PTPN11: variants seen among roughly 807,000 people sequenced by gnomAD.
PTPN11 encodes tyrosine-protein phosphatase non-receptor type 11.
Under a neutral mutation model 78.8 loss-of-function variants are expected in PTPN11, and 6 were observed. The ratio of observed to expected loss-of-function variants is 0.08; its 90% confidence interval spans 0.04 to 0.15. The LOEUF is 0.15. Ranked by LOEUF, PTPN11 falls within the 10% of genes least tolerant of loss-of-function variation. The pLI, the probability that PTPN11 is intolerant of heterozygous loss-of-function variation, is 1.00. For synonymous variants in PTPN11, 221 were observed against 263.5 expected (o/e 0.84, Z 1.56); for missense variants, 386 against 744.8 (o/e 0.52, Z 5.61).
At chr12:112,462,737 C>T (rs2038267023) in intron 6 of PTPN11, among the ~76,000 whole-genome samples, 1 of 152,070 alleles carries the variant, frequency 6.6e-6, no homozygotes, top group Non-Finnish European at 1.5e-5. Flanking sequence ...TCCTGGATAT[C>T]CATAATAGTG....
chr12:112,503,543 CT>C, intron 14 of PTPN11, among the ~76,000 whole-genome samples: 1 of 152,144 alleles, frequency 6.6e-6, no homozygotes, highest in Non-Finnish European at 1.5e-5. Flanking sequence ...CAAGTTGCCA[CT>C]TCTTTCTATC....
chr12:112,490,226 C>A (rs2038729684), intron 13 of PTPN11, among the ~76,000 whole-genome samples: 1 of 151,952 alleles, frequency 6.6e-6, no homozygotes, highest in African/African-American at 2.4e-5. Flanking sequence ...CAAAAAGTTG[C>A]CCAAAGAGAA....
At chr12:112,433,312 TAG>T (rs1181004074) in intron 1 of PTPN11, among the ~76,000 whole-genome samples, 1 of 152,200 alleles carries the variant, frequency 6.6e-6, no homozygotes, top group East Asian at 1.9e-4. Context: ...CTAGGAGCAA[TAG>T]GTTATACCAT....
intron 5 of PTPN11, chr12:112,454,886 C>G (rs900088407): frequency 1.7e-6 from 1 of 592,418 alleles, no homozygotes; most frequent in Non-Finnish European, 3.0e-6. Flanking sequence ...GTGTTGCAAT[C>G]TTGGCTCACT....
intron 1 of PTPN11, among the ~76,000 whole-genome samples, chr12:112,420,776 G>A (rs1416032794): frequency 2.0e-5 from 3 of 152,238 alleles, no homozygotes; most frequent in Non-Finnish European, 2.9e-5. Context: ...ACTTGGACAG[G>A]TCGGTTGGCA....
intron 7 of PTPN11, among the ~76,000 whole-genome samples, chr12:112,477,396 T>TTCCTATATACCCAATGATAACA (rs1411891552): frequency 6.6e-6 from 1 of 152,198 alleles, no homozygotes; most frequent in Non-Finnish European, 1.5e-5. Context: ...TTCTCTGAGC[T>TTCCTATATACCCAATGATAACA]TCCTATATAC....
At chr12:112,446,987 T>A (rs2038002821) in intron 2 of PTPN11, among the ~76,000 whole-genome samples, 1 of 152,128 alleles carries the variant, frequency 6.6e-6, no homozygotes, top group Non-Finnish European at 1.5e-5. Context: ...CGCCTCAGCC[T>A]CCCGGGTAGC....
chr12:112,495,949 C>T (rs1049595569), intron 13 of PTPN11, among the ~76,000 whole-genome samples: 5 of 152,102 alleles, frequency 3.3e-5, no homozygotes, highest in African/African-American at 1.2e-4. Context: ...TTTCCTCTTT[C>T]CCTGTTCAAT....
chr12:112,438,919 C>G (rs1266762892), intron 1 of PTPN11, among the ~76,000 whole-genome samples: 1 of 151,102 alleles, frequency 6.6e-6, no homozygotes, highest in African/African-American at 2.4e-5. Flanking sequence ...AACCATTGTG[C>G]CTGGCTTGTT....
chr12:112,504,175 C>T lies in PTPN11; in HGVS notation c.1713-520C>T, dbSNP rs2038907989. 6.6e-6 allele frequency among the ~76,000 whole-genome samples: 1 copy of T among 152,158 alleles called. No individual in the cohort carries two copies. Among genetic ancestry groups the T allele is most frequent in the South Asian group, 2.1e-4 (1 of 4,830 alleles). ...CTTTCTGCCAGACCCCAGGGAGCACCAGGACTTGAGGCTTTTATTGCACTT... is the reference window on the plus strand; with the variant it reads ...CTTTCTGCCAGACCCCAGGGAGCACTAGGACTTGAGGCTTTTATTGCACTT... On this transcript the variant is annotated intron_variant, in intron 14 of 15. Coordinates refer to ENST00000351677, the MANE Select transcript of PTPN11 (RefSeq NM_002834.5). The surrounding 1 kb of genome is among the most constrained non-coding windows in gnomAD (Gnocchi z 4.7).
chr12:112,462,265 G>A (rs2038259492), intron 6 of PTPN11, among the ~76,000 whole-genome samples: 1 of 152,092 alleles, frequency 6.6e-6, no homozygotes, highest in Non-Finnish European at 1.5e-5. Context: ...AGGCTGTGGC[G>A]AGAGTAGGCT....
Position 112,453,288 on chromosome 12 carries a change from C to T in PTPN11, c.426C>T (p.Ser142=), listed in dbSNP as rs199498784. The T allele has an allele frequency of 1.1e-5, 17 of 1,613,800 alleles. No individual in the cohort carries two copies. The African/African-American group carries it at 2.1e-4, about 20-fold the overall frequency. The part of the protein sequence containing the change: ...HGSFLVRESQ[S]HPGDFVLSVR... ...GTTTTCTTGTACGAGAGAGCCAGAG[C>T]CACCCTGGAGATTTTGTTCTTTCTG... The change falls in exon 4 of 16, where the codon AGC becomes AGT. Residue 142 remains serine, a synonymous_variant. Coordinates refer to ENST00000351677, the MANE Select transcript of PTPN11 (RefSeq NM_002834.5).
intron 1 of PTPN11, among the ~76,000 whole-genome samples, chr12:112,439,167 C>A (rs566046406): frequency 3.5e-4 from 54 of 152,258 alleles, no homozygotes; most frequent in Non-Finnish European, 5.9e-4. Flanking sequence ...GGCTTCAGAC[C>A]AAGACAATCT....
intron 6 of PTPN11, among the ~76,000 whole-genome samples, chr12:112,462,281 C>G (rs1047238217): frequency 2.6e-5 from 4 of 151,894 alleles, no homozygotes; most frequent in African/African-American, 9.7e-5. Flanking sequence ...AGGCTTAAGC[C>G]CAGGAGTTTG....
chr12:112,492,684 AT>A (rs1409240674), intron 13 of PTPN11, among the ~76,000 whole-genome samples: 1 of 151,668 alleles, frequency 6.6e-6, no homozygotes, highest in Non-Finnish European at 1.5e-5. Flanking sequence ...CACCTGGCTA[AT>A]TTTTTGTATT....
intron 13 of PTPN11, among the ~76,000 whole-genome samples, chr12:112,500,503 C>T (rs1231573864): frequency 1.3e-5 from 2 of 152,210 alleles, no homozygotes; most frequent in African/African-American, 2.4e-5. Flanking sequence ...AGCTTCTTCC[C>T]TACACTATAA....
chr12:112,477,363 A>G (rs1232471396), intron 7 of PTPN11, among the ~76,000 whole-genome samples: 3 of 152,178 alleles, frequency 2.0e-5, no homozygotes, highest in Admixed American at 6.6e-5. Context: ...TTACACATAT[A>G]GTAGAGAGAA....
intron 1 of PTPN11, among the ~76,000 whole-genome samples, chr12:112,442,830 TTATATATATATA>T (rs71086107): frequency 0.021 from 894 of 43,470 alleles, 32 homozygotes; most frequent in African/African-American, 0.047. Context: ...CTCTCTCTTT[TTATATATATATA>T]TATATATATA....
intron 2 of PTPN11, among the ~76,000 whole-genome samples, chr12:112,449,547 C>T (rs1219649634): frequency 1.3e-5 from 2 of 151,954 alleles, no homozygotes; most frequent in Non-Finnish European, 2.9e-5. Context: ...GCATAGTATT[C>T]CATTGTATGA....
Sources: allele counts gnomAD v4.1 joint callset (sites outside exome capture counted in the v4.1 genomes callset), GRCh38; gene constraint gnomAD v4.1.1; non-coding constraint Gnocchi (gnomAD v3.1); transcripts MANE v1.5; gene names NCBI Gene and HGNC (gene_info 2026-07-23, HGNC 2026-07-21).